The following CAMK2A variants were observed in gnomAD, a reference collection of about 807,000 sequenced individuals.
CAMK2A encodes calcium/calmodulin-dependent protein kinase type II subunit alpha.
Under a neutral mutation model 79.2 loss-of-function variants are expected in CAMK2A, and 7 were observed. That is an observed-to-expected ratio of 0.09 (90% confidence interval 0.05 to 0.17). The LOEUF (loss-of-function observed/expected upper bound fraction) is 0.17, where lower values mean the gene tolerates loss of function less well. CAMK2A is among the 10% of genes least tolerant of loss of function. The pLI is 1.00. For missense variants in CAMK2A, 214 were observed against 646.4 expected (o/e 0.33, Z 7.25); for synonymous variants, 242 against 251.7 (o/e 0.96, Z 0.36).
intron 6 of CAMK2A, among the ~76,000 whole-genome samples, chr5:150,255,340 C>T (rs1756009792): frequency 6.6e-6 from 1 of 152,232 alleles, no homozygotes; most frequent in Non-Finnish European, 1.5e-5. Context: ...CTGCCCAGGA[C>T]AGTCAGAGAG....
At chr5:150,276,780 G>A (rs935932200) in intron 1 of CAMK2A, among the ~76,000 whole-genome samples, 1 of 152,172 alleles carries the variant, frequency 6.6e-6, no homozygotes, top group Non-Finnish European at 1.5e-5. Flanking sequence ...TAATATATGT[G>A]GGTGGATGGA....
intron 1 of CAMK2A, among the ~76,000 whole-genome samples, chr5:150,285,736 G>C (rs1049131457): frequency 1.1e-4 from 16 of 152,156 alleles, no homozygotes; most frequent in Non-Finnish European, 2.2e-4. Context: ...AGAGAAAAGA[G>C]TGGGCTGAGC....
At chr5:150,272,801 G>T (rs145248746) in intron 2 of CAMK2A, among the ~76,000 whole-genome samples, 36 of 151,778 alleles carry the variant, frequency 2.4e-4, no homozygotes, top group Non-Finnish European at 4.9e-4. Flanking sequence ...GGGAAAGGAG[G>T]GCCCATCTGG....
At chr5:150,251,893 G>A (rs539851043) in intron 8 of CAMK2A, 49 bp from the exon 9 acceptor site, 1 of 1,539,726 alleles carries the variant, frequency 6.5e-7, no homozygotes. Context: ...GAGGAGACAT[G>A]GGGGGAGGGG....
intron 2 of CAMK2A, 52 bp from the exon 3 acceptor site, chr5:150,265,067 T>C: frequency 7.5e-7 from 1 of 1,331,300 alleles, no homozygotes; most frequent in East Asian, 2.3e-5. Context: ...ACCATTACCC[T>C]CCATCTCCCC....
chr5:150,245,099 C>T (rs1309359797), intron 13 of CAMK2A, 62 bp downstream of exon 13: 5 of 1,540,888 alleles, frequency 3.2e-6, no homozygotes, highest in East Asian at 2.2e-5. Flanking sequence ...GCCTGAAAGC[C>T]GGTCTCTGTT....
intron 7 of CAMK2A, among the ~76,000 whole-genome samples, chr5:150,252,746 G>T (rs1217843648): frequency 6.6e-6 from 1 of 152,190 alleles, no homozygotes; most frequent in African/African-American, 2.4e-5. Context: ...CACTTCATAT[G>T]CCTGGTCACA....
chr5:150,264,175 A>G lies in CAMK2A; in HGVS notation c.217+781T>C, dbSNP rs551612590. Among the ~76,000 whole-genome samples, 181 of 152,274 alleles carry G rather than the reference A, an allele frequency of 1.2e-3. 1 individual carries two copies. Among genetic ancestry groups the G allele is most frequent in the Admixed American group, 2.2e-3 (33 of 15,300 alleles). On this transcript the variant is annotated intron_variant, in intron 3 of 18. Coordinates refer to ENST00000671881, the MANE Select transcript of CAMK2A (RefSeq NM_015981.4). ...AACTGCAAAATCCTGGCCCCATCCCAGGCCCAGTGAATCCAAGTCTACCTT... is the reference window on the plus strand; with the variant it reads ...AACTGCAAAATCCTGGCCCCATCCCGGGCCCAGTGAATCCAAGTCTACCTT...
At chr5:150,250,651 G>T in intron 10 of CAMK2A, 37 bp downstream of exon 10, 1 of 1,612,684 alleles carries the variant, frequency 6.2e-7, no homozygotes, top group Non-Finnish European at 8.5e-7. Flanking sequence ...GAGGTCTGGA[G>T]GGGCTCCTGG....
rs757665103 is a variant in CAMK2A, at chr5:150,247,797, C to T, written c.918G>A (p.Thr306=). ...RRKLKGAILT[T]MLATRNFSGG... is the part of the protein sequence containing the mutation. ...CGGAGAAGTTCCTGGTGGCCAGCAT[C>T]GTGGTGAGAATGGCTCCCTGCAAGA... The change falls in exon 12 of 19, where the codon ACG becomes ACA. Residue 306 remains threonine (T), a synonymous_variant. Coordinates refer to ENST00000671881, the MANE Select transcript of CAMK2A (RefSeq NM_015981.4). 1.1e-5 allele frequency: 18 copies of T among 1,612,638 alleles called. No homozygotes were observed. In the South Asian group the frequency reaches 1.7e-4, roughly 15 times the overall value.
chr5:150,278,760 G>A (rs2150306858), intron 1 of CAMK2A, among the ~76,000 whole-genome samples: 1 of 152,240 alleles, frequency 6.6e-6, no homozygotes, highest in South Asian at 2.1e-4. Context: ...GTGTTCCTGG[G>A]TGCAAGGGGC....
chr5:150,273,717 A>G lies in CAMK2A; in HGVS notation c.63-558T>C, dbSNP rs557586828. Among the ~76,000 whole-genome samples the G allele has an allele frequency of 2.1e-4, 32 of 152,264 alleles. No individual in the cohort carries two copies. The South Asian group carries it at 6.4e-3, about 31-fold the overall frequency. ...CCTTCCTTTTTTCAGTGAATAATAT[A>G]TTTTTAGAGATCATCCTTCCATATC... On this transcript the variant is annotated intron_variant, in intron 1 of 18. Coordinates refer to ENST00000671881, the MANE Select transcript of CAMK2A (RefSeq NM_015981.4).
chr5:150,279,813 T>C (rs1204252296), intron 1 of CAMK2A, among the ~76,000 whole-genome samples: 1 of 152,180 alleles, frequency 6.6e-6, no homozygotes, highest in Non-Finnish European at 1.5e-5. Context: ...TGGCTGAGAA[T>C]GTGGGAACGT....
chr5:150,241,439 CCT>C (rs1322204053), intron 13 of CAMK2A, among the ~76,000 whole-genome samples: 6 of 145,138 alleles, frequency 4.1e-5, no homozygotes, highest in South Asian at 4.6e-4. Flanking sequence ...CCCCTCCCCT[CCT>C]CTCTCTTTTA....
intron 13 of CAMK2A, among the ~76,000 whole-genome samples, chr5:150,241,436 CCTCCT>C (rs1272208116): frequency 1.7e-4 from 25 of 142,912 alleles, no homozygotes; most frequent in African/African-American, 6.0e-4. Flanking sequence ...CCTCCCCTCC[CCTCCT>C]CTCTCTTTTA....
At chr5:150,243,843 G>A (rs1755449527) in intron 13 of CAMK2A, among the ~76,000 whole-genome samples, 1 of 152,182 alleles carries the variant, frequency 6.6e-6, no homozygotes, top group South Asian at 2.1e-4. Context: ...AGGTCCAGCT[G>A]CAGGCAAGCC....
chr5:150,246,223 G>A (rs1755563191), intron 12 of CAMK2A, among the ~76,000 whole-genome samples: 1 of 152,136 alleles, frequency 6.6e-6, no homozygotes, highest in Non-Finnish European at 1.5e-5. Flanking sequence ...ACCCCTTCGA[G>A]GCTCTCATTC....
At chr5:150,224,349 C>T (rs1754492062) in intron 17 of CAMK2A, among the ~76,000 whole-genome samples, 2 of 152,114 alleles carry the variant, frequency 1.3e-5, no homozygotes, top group South Asian at 4.2e-4. Context: ...AACACAGCTT[C>T]CCCAACCCCA....
At chr5:150,235,891 G>GACTC (rs1164513700) in intron 15 of CAMK2A, among the ~76,000 whole-genome samples, 1 of 152,132 alleles carries the variant, frequency 6.6e-6, no homozygotes, top group Non-Finnish European at 1.5e-5. Flanking sequence ...GAGGCACAAG[G>GACTC]ACTCCTCTTT....
Sources: allele counts gnomAD v4.1 joint callset (sites outside exome capture counted in the v4.1 genomes callset), GRCh38; gene constraint gnomAD v4.1.1; transcripts MANE v1.5; gene names NCBI Gene and HGNC (gene_info 2026-07-23, HGNC 2026-07-21).